SNTG2: variants seen among roughly 807,000 people sequenced by gnomAD.
The protein encoded by SNTG2 is syntrophin gamma 2.
A neutral mutation model predicts 70.9 loss-of-function variants in SNTG2; 74 were observed. The ratio of observed to expected loss-of-function variants is 1.04; its 90% CI spans 0.86 to 1.27. The LOEUF (loss-of-function observed/expected upper bound fraction) is 1.27, where lower values mean the gene tolerates loss of function less well. Among genes scored for constraint, SNTG2 ranks in the 50% most tolerant of loss-of-function variants. SNTG2 has a pLI of 0.00. For synonymous variants in SNTG2, 278 were observed against 273.8 expected, an observed-to-expected ratio of 1.02 and a Z score of -0.15; for missense variants, 717 against 690.7, an observed-to-expected ratio of 1.04 and a Z score of -0.43.
chr2:1,232,596 C>T (rs1676332058), intron 9 of SNTG2, among the ~76,000 whole-genome samples: 1 of 152,188 alleles, frequency 6.6e-6, no homozygotes, highest in South Asian at 2.1e-4. Flanking sequence ...CCATGCCCAG[C>T]CCACCATGAC....
chr2:1,119,386 CCA>C (rs1355903574), intron 4 of SNTG2, among the ~76,000 whole-genome samples: 1 of 152,110 alleles, frequency 6.6e-6, no homozygotes, highest in Non-Finnish European at 1.5e-5. Context: ...TCAGCATAGT[CCA>C]GTGTCATCAT....
At chr2:1,333,963 G>C (rs1419822095) in intron 16 of SNTG2, among the ~76,000 whole-genome samples, 1 of 152,140 alleles carries the variant, frequency 6.6e-6, no homozygotes, top group Non-Finnish European at 1.5e-5. Flanking sequence ...AAACTAAAAA[G>C]CTCCTGCACA....
At chr2:1,360,747 A>G (rs1661095408) in intron 16 of SNTG2, among the ~76,000 whole-genome samples, 1 of 152,114 alleles carries the variant, frequency 6.6e-6, no homozygotes, top group African/African-American at 2.4e-5. Context: ...TACATCCAGC[A>G]TCATACACAG....
intron 1 of SNTG2, among the ~76,000 whole-genome samples, chr2:993,777 G>A (rs959206630): frequency 6.6e-6 from 1 of 152,000 alleles, no homozygotes; most frequent in African/African-American, 2.4e-5. Context: ...GATTAATAAT[G>A]TTAAGTATCT....
intron 4 of SNTG2, among the ~76,000 whole-genome samples, chr2:1,119,556 T>TTG (rs1039042790): frequency 1.4e-4 from 22 of 151,804 alleles, no homozygotes; most frequent in African/African-American, 3.6e-4. Context: ...AGGCTCGTTT[T>TTG]TTTTTTTTTT....
At chr2:956,572 TC>T (rs1249277066) in intron 1 of SNTG2, among the ~76,000 whole-genome samples, 1 of 151,854 alleles carries the variant, frequency 6.6e-6, no homozygotes, top group African/African-American at 2.4e-5. Context: ...GAGGACCCGC[TC>T]CCCCAGGGCC....
intron 4 of SNTG2, among the ~76,000 whole-genome samples, chr2:1,098,743 G>A (rs1008590707): frequency 6.6e-6 from 1 of 152,198 alleles, no homozygotes; most frequent in Non-Finnish European, 1.5e-5. Context: ...ACATATAGAT[G>A]GAGAAGTCCA....
intron 9 of SNTG2, among the ~76,000 whole-genome samples, chr2:1,228,339 G>A (rs1572802353): frequency 6.6e-6 from 1 of 152,212 alleles, no homozygotes; most frequent in African/African-American, 2.4e-5. Flanking sequence ...TGATCCATCT[G>A]GTTTCTGGCT....
intron 1 of SNTG2, among the ~76,000 whole-genome samples, chr2:1,016,545 A>G (rs1659898166): frequency 6.6e-6 from 1 of 152,148 alleles, no homozygotes; most frequent in South Asian, 2.1e-4. Flanking sequence ...CCGGCCGACA[A>G]CTTTATTTCT....
chr2:1,255,057 G>T (rs1361461714), intron 12 of SNTG2, among the ~76,000 whole-genome samples: 1 of 152,126 alleles, frequency 6.6e-6, no homozygotes, highest in Non-Finnish European at 1.5e-5. Context: ...AAGAGGTGCG[G>T]TCCTGGAAAA....
At chr2:1,067,165 TA>T (rs1225632805) in intron 1 of SNTG2, among the ~76,000 whole-genome samples, 3 of 149,750 alleles carry the variant, frequency 2.0e-5, no homozygotes, top group African/African-American at 4.9e-5. Flanking sequence ...AAATGCGCAC[TA>T]AAATGTTGTG....
chr2:1,031,528 A>ATATATATATTTTTTTTTTTTTTTTTTTT, intron 1 of SNTG2, among the ~76,000 whole-genome samples: 2 of 59,122 alleles, frequency 3.4e-5, no homozygotes, highest in Non-Finnish European at 6.3e-5. Context: ...ATATATATAT[A>ATATATATATTTTTTTTTTTTTTTTTTTT]TTTTTTTTTT....
intron 14 of SNTG2, among the ~76,000 whole-genome samples, chr2:1,294,303 C>T (rs1680110683): frequency 6.6e-6 from 1 of 152,222 alleles, no homozygotes; most frequent in African/African-American, 2.4e-5. Context: ...TAGGGACAGA[C>T]CCCAACCCTC....
chr2:991,373 A>ACACACACG (rs1491174121), intron 1 of SNTG2, among the ~76,000 whole-genome samples: 1 of 8,482 alleles, frequency 1.2e-4, no homozygotes, highest in African/African-American at 2.7e-3. Context: ...CTGTAATATT[A>ACACACACG]CACACACACA....
chr2:985,373 T>C (rs1267903791), intron 1 of SNTG2, among the ~76,000 whole-genome samples: 2 of 152,140 alleles, frequency 1.3e-5, no homozygotes, highest in African/African-American at 4.8e-5. Flanking sequence ...ATTTTCTTCC[T>C]CTAAAATAGA....
intron 1 of SNTG2, among the ~76,000 whole-genome samples, chr2:965,061 T>C (rs1660488048): frequency 1.4e-5 from 2 of 147,396 alleles, no homozygotes; most frequent in Admixed American, 6.8e-5. Context: ...TGGCCCTGAA[T>C]CCTCCTTAGT....
chr2:973,506 G>A (rs931699441), intron 1 of SNTG2, among the ~76,000 whole-genome samples: 4 of 151,226 alleles, frequency 2.6e-5, no homozygotes, highest in Non-Finnish European at 5.9e-5. Flanking sequence ...TGGGCTTCTT[G>A]GGGGTGTGTG....
intron 4 of SNTG2, among the ~76,000 whole-genome samples, chr2:1,131,630 C>T (rs1291912636): frequency 2.0e-5 from 3 of 151,708 alleles, no homozygotes; most frequent in African/African-American, 7.3e-5. Context: ...AACCTGTTTG[C>T]AAATCCTTTT....
At chr2:1,211,756 CCAGGTCCCTCCCAT>C (rs1674060701) in intron 9 of SNTG2, among the ~76,000 whole-genome samples, 1 of 152,144 alleles carries the variant, frequency 6.6e-6, no homozygotes, top group South Asian at 2.1e-4. Context: ...TTACCTCCCA[CCAGGTCCCTCCCAT>C]GACACGTGGG....
Sources: gnomAD v4.1 joint callset for allele counts (sites outside exome capture counted in the v4.1 genomes callset) on GRCh38, gnomAD v4.1.1 for gene constraint, MANE v1.5 for transcripts, NCBI Gene and HGNC (gene_info 2026-07-23, HGNC 2026-07-21) for gene names.